PECR: variants seen among roughly 807,000 people sequenced by gnomAD.
PECR encodes 2,4-dienoyl-CoA reductase-related protein.
In PECR, 30 loss-of-function variants were observed where a neutral mutation model predicts 35.3. The ratio of observed to expected loss-of-function variants is 0.85; its 90% confidence interval spans 0.64 to 1.15. PECR has a LOEUF of 1.15. Among genes scored for constraint, PECR ranks in the 50% most tolerant of loss-of-function variants. The pLI is 0.00. For missense variants in PECR, 392 were observed against 370.8 expected (o/e 1.06, Z -0.47); for synonymous variants, 148 against 138.9 (o/e 1.07, Z -0.46).
Position 216,049,343 on chromosome 2 carries a change from T to C in PECR, c.634A>G (p.Asn212Asp). Reference protein sequence around the residue: ...GVIYSQTAVENYGSWGQSFFE... With the variant: ...GVIYSQTAVEDYGSWGQSFFE... Reference sequence around the variant, plus strand: ...AAGCTTTGTCCCCAGGAACCATAGTTCTCCACAGCAGTCTGGGAATAAATA... The same window carrying C: ...AAGCTTTGTCCCCAGGAACCATAGTCCTCCACAGCAGTCTGGGAATAAATA... The change falls in exon 6 of 8, where the codon AAC (asparagine) becomes GAC (aspartate). Residue 212 changes from asparagine to aspartate, a missense_variant. Physicochemically the swap from Asn to Asp is conservative, Grantham distance 23. Coordinates refer to ENST00000265322, the MANE Select transcript of PECR (RefSeq NM_018441.6). 6.3e-7 allele frequency: 1 copy of C among 1,585,386 alleles called. No individual in the cohort carries two copies. The highest frequency in any genetic ancestry group is 8.7e-7 in the Non-Finnish European group (1 of 1,153,912).
At chr2:216,030,940 T>TCC (rs1388798669) in intron 7 of PECR, among the ~76,000 whole-genome samples, 1 of 72,426 alleles carries the variant, frequency 1.4e-5, no homozygotes, top group African/African-American at 4.0e-5. Context: ...TCTCTCTCTC[T>TCC]CTCTCTCTCT....
chr2:216,062,454 G>T (rs1361257133), intron 3 of PECR, among the ~76,000 whole-genome samples: 1 of 152,086 alleles, frequency 6.6e-6, no homozygotes, highest in African/African-American at 2.4e-5. Flanking sequence ...AAAAATTCCT[G>T]TATCAGTAAA....
At chr2:216,073,118 C>T (rs1036506835) in intron 1 of PECR, among the ~76,000 whole-genome samples, 7 of 152,104 alleles carry the variant, frequency 4.6e-5, no homozygotes, top group Non-Finnish European at 7.4e-5. Context: ...TAAGCCTTGC[C>T]TAACTTTAAA....
intron 1 of PECR, among the ~76,000 whole-genome samples, chr2:216,068,777 A>G (rs1400411032): frequency 7.3e-6 from 1 of 137,262 alleles, no homozygotes; most frequent in Non-Finnish European, 1.5e-5. Context: ...AGCTGGGACC[A>G]CAGACATACA....
At chr2:216,030,048 C>T (rs1694656568) in intron 7 of PECR, among the ~76,000 whole-genome samples, 2 of 152,124 alleles carry the variant, frequency 1.3e-5, no homozygotes, top group South Asian at 4.2e-4. Context: ...TATTTTCAAC[C>T]ACCTTAAAAT....
At chr2:216,056,271 C>A (rs1695223970) in intron 4 of PECR, among the ~76,000 whole-genome samples, 1 of 152,158 alleles carries the variant, frequency 6.6e-6, no homozygotes, top group Admixed American at 6.5e-5. Context: ...AGTGCTCAAT[C>A]TCTGACATTC....
At chr2:216,035,626 A>C (rs1220384519), downstream of PECR, among the ~76,000 whole-genome samples, 1 of 151,812 alleles carries the variant, frequency 6.6e-6, no homozygotes, top group Non-Finnish European at 1.5e-5. Flanking sequence ...AGCTGGGACT[A>C]CAGACGCCCG....
intron 5 of PECR, among the ~76,000 whole-genome samples, chr2:216,049,780 T>C (rs1443186189): frequency 2.0e-5 from 3 of 152,182 alleles, no homozygotes; most frequent in South Asian, 2.1e-4. Flanking sequence ...CTTAGAAAAA[T>C]GCAATATTTT....
intron 3 of PECR, among the ~76,000 whole-genome samples, chr2:216,060,569 G>C (rs1317075970): frequency 6.6e-6 from 1 of 152,130 alleles, no homozygotes; most frequent in Non-Finnish European, 1.5e-5. Flanking sequence ...GGCTGAAGCG[G>C]GGAGGATTGC....
At chr2:216,035,163 G>T (rs759272025), downstream of PECR, among the ~76,000 whole-genome samples, 10 of 152,196 alleles carry the variant, frequency 6.6e-5, no homozygotes, top group Non-Finnish European at 1.5e-4. Context: ...CTGAGCCAGC[G>T]GGCTCTGAAG....
chr2:216,071,075 C>T (rs549772234), intron 1 of PECR, among the ~76,000 whole-genome samples: 3 of 152,252 alleles, frequency 2.0e-5, no homozygotes, highest in Admixed American at 6.5e-5. Flanking sequence ...ATTCCGTCTT[C>T]GCATTCAGCT....
intron 6 of PECR, among the ~76,000 whole-genome samples, chr2:216,047,453 G>T (rs535382267): frequency 6.6e-6 from 1 of 152,150 alleles, no homozygotes; most frequent in South Asian, 2.1e-4. Context: ...TACAGGATAG[G>T]GAGTCTAATT....
chr2:216,043,115 A>ATATTTT (rs1553560262), intron 7 of PECR, among the ~76,000 whole-genome samples: 48 of 134,476 alleles, frequency 3.6e-4, no homozygotes, highest in Non-Finnish European at 5.0e-4. Context: ...ATATATATAT[A>ATATTTT]TTTTTTTTTG....
intron 7 of PECR, among the ~76,000 whole-genome samples, chr2:216,030,376 T>G (rs1484058772): frequency 6.6e-6 from 1 of 152,202 alleles, no homozygotes; most frequent in East Asian, 1.9e-4. Context: ...TTGAACAAGT[T>G]TCTTGACCTG....
chr2:216,072,939 ATACT>A, intron 1 of PECR, among the ~76,000 whole-genome samples: 1 of 152,204 alleles, frequency 6.6e-6, no homozygotes. Context: ...AGAAATCTCC[ATACT>A]GTTTTCCATA....
At chr2:216,059,085 AT>A in intron 3 of PECR, 109 bp from the exon 4 acceptor site, 1 of 737,498 alleles carries the variant, frequency 1.4e-6, no homozygotes, top group Non-Finnish European at 2.5e-6. Context: ...GTCCATTTAC[AT>A]TTCCTTATAA....
intron 1 of PECR, 54 bp from the exon 2 acceptor site, chr2:216,066,572 C>T: frequency 6.5e-7 from 1 of 1,530,018 alleles, no homozygotes; most frequent in African/African-American, 1.4e-5. Flanking sequence ...GATGCAATGA[C>T]CACATTACAC....
downstream of PECR, among the ~76,000 whole-genome samples, chr2:216,035,709 A>T (rs1424903329): frequency 4.0e-5 from 6 of 151,716 alleles, no homozygotes; most frequent in Non-Finnish European, 2.9e-5. Context: ...CTGGTCTCAA[A>T]CTCCTGATCT....
At chr2:216,034,506 T>C (rs1694762895), downstream of PECR, among the ~76,000 whole-genome samples, 1 of 152,118 alleles carries the variant, frequency 6.6e-6, no homozygotes, top group Non-Finnish European at 1.5e-5. Context: ...CTGCAGTCTG[T>C]GATATTTTTT....
Sources: gnomAD v4.1 joint callset for allele counts (sites outside exome capture counted in the v4.1 genomes callset) on GRCh38, gnomAD v4.1.1 for gene constraint, MANE v1.5 for transcripts, NCBI Gene and HGNC (gene_info 2026-07-23, HGNC 2026-07-21) for gene names.